DMD: variants seen among roughly 807,000 people sequenced by gnomAD.
DMD encodes dystrophin.
DMD carries 63 observed loss-of-function variants against 330.1 expected under a neutral mutation model. The observed-to-expected ratio is 0.19, with a 90% CI of 0.16 to 0.24. The LOEUF (loss-of-function observed/expected upper bound fraction) is 0.24, where lower values mean the gene tolerates loss of function less well. Ranked by LOEUF, DMD falls within the 10% of genes least tolerant of loss-of-function variation. The pLI, the probability that DMD is intolerant of heterozygous loss-of-function variation, is 1.00. For missense variants in DMD, 3,344 were observed against 2,684.1 expected (o/e 1.25, Z -5.43); for synonymous variants, 1,223 against 959.8 (o/e 1.27, Z -5.07).
At chrX:32,813,274 AAACT>A (rs1253800302) in intron 6 of DMD, among the ~76,000 whole-genome samples, 45 of 112,072 alleles carry the variant, frequency 4.0e-4, no homozygotes, top group African/African-American at 1.4e-3. Flanking sequence ...AAAAATTGTA[AAACT>A]AACCAACTAT....
At chrX:31,958,345 T>C (rs972577605) in intron 45 of DMD, among the ~76,000 whole-genome samples, 2 of 111,086 alleles carry the variant, frequency 1.8e-5, no homozygotes, top group African/African-American at 3.3e-5. Flanking sequence ...ACTTTAAATA[T>C]ACATATGGGC....
chrX:31,311,671 T>G (rs1191459077), intron 62 of DMD, among the ~76,000 whole-genome samples: 2 of 111,824 alleles, frequency 1.8e-5, no homozygotes, highest in Non-Finnish European at 3.8e-5. Flanking sequence ...ACAGTTTTTT[T>G]TTTAATTCTG....
chrX:32,735,431 G>C (rs750504943), intron 7 of DMD, among the ~76,000 whole-genome samples: 1 of 110,670 alleles, frequency 9.0e-6, no homozygotes, highest in East Asian at 2.8e-4. Flanking sequence ...AGTTGATATG[G>C]AACCAAAAAA....
At chrX:32,614,704 T>G (rs898071522) in intron 11 of DMD, among the ~76,000 whole-genome samples, 5 of 111,296 alleles carry the variant, frequency 4.5e-5, no homozygotes, top group Non-Finnish European at 7.6e-5. Context: ...ACATGCTAAC[T>G]GAAGTGCAAA....
chrX:32,347,708 G>GA (rs1402011439), intron 38 of DMD, among the ~76,000 whole-genome samples: 1 of 111,474 alleles, frequency 9.0e-6, no homozygotes, highest in Non-Finnish European at 1.9e-5. Context: ...GGCAGTGAAA[G>GA]AGGGGAAAAA....
chrX:32,428,507 A>G (rs2098222509), intron 29 of DMD, among the ~76,000 whole-genome samples: 1 of 112,028 alleles, frequency 8.9e-6, no homozygotes, highest in African/African-American at 3.2e-5. Context: ...TGAAAGAAAG[A>G]GGCATTATGA....
At chrX:33,060,631 G>A (rs1030928531) in intron 1 of DMD, among the ~76,000 whole-genome samples, 14 of 110,513 alleles carry the variant, frequency 1.3e-4, no homozygotes, top group African/African-American at 3.0e-4. Context: ...TCTAGAGTTC[G>A]AGACCAGCCT....
intron 1 of DMD, among the ~76,000 whole-genome samples, chrX:33,064,746 G>A (rs1312204683): frequency 4.5e-5 from 5 of 110,434 alleles, no homozygotes; most frequent in African/African-American, 1.3e-4. Flanking sequence ...AAAATTAGCC[G>A]GGCATGGTGG....
At chrX:32,203,712 A>T (rs2097051226) in intron 44 of DMD, among the ~76,000 whole-genome samples, 2 of 111,828 alleles carry the variant, frequency 1.8e-5, no homozygotes, top group Non-Finnish European at 3.8e-5. Context: ...CCGTCACCTC[A>T]GTAACCTATG....
chrX:31,272,766 A>T (rs751425908), intron 62 of DMD, among the ~76,000 whole-genome samples: 4 of 111,765 alleles, frequency 3.6e-5, no homozygotes, highest in African/African-American at 1.3e-4. Flanking sequence ...GCAAAATGGG[A>T]GGATGTTGAA....
chrX:32,738,846 A>G (rs2068866490), intron 7 of DMD, among the ~76,000 whole-genome samples: 2 of 111,852 alleles, frequency 1.8e-5, no homozygotes, highest in Non-Finnish European at 1.9e-5. Context: ...GAATCTTTCA[A>G]AAGGAGAGGT....
At chrX:31,271,546 A>T (rs1479372157) in intron 62 of DMD, among the ~76,000 whole-genome samples, 2 of 111,694 alleles carry the variant, frequency 1.8e-5, no homozygotes, top group African/African-American at 6.5e-5. Context: ...AATGGTTTGA[A>T]CTGGGTACTT....
intron 19 of DMD, among the ~76,000 whole-genome samples, chrX:32,492,860 G>A (rs188804396): frequency 8.9e-6 from 1 of 111,789 alleles, no homozygotes; most frequent in East Asian, 2.8e-4. Flanking sequence ...GTTCCCTCAT[G>A]TACCTACAGA....
intron 51 of DMD, among the ~76,000 whole-genome samples, chrX:31,754,198 A>C (rs1024256535): frequency 9.0e-6 from 1 of 111,553 alleles, no homozygotes; most frequent in African/African-American, 3.3e-5. Context: ...ATTTCTGACA[A>C]GTAGTGTACG....
At chrX:32,810,281 C>T (rs185297728) in intron 6 of DMD, among the ~76,000 whole-genome samples, 1 of 112,018 alleles carries the variant, frequency 8.9e-6, no homozygotes, top group African/African-American at 3.2e-5. Flanking sequence ...CATCCAGTCT[C>T]GTGGATTTCA....
chrX:32,627,627 G>A (rs1003823171), intron 11 of DMD, among the ~76,000 whole-genome samples: 1 of 110,606 alleles, frequency 9.0e-6, no homozygotes, highest in Admixed American at 9.7e-5. Flanking sequence ...GTTTGGCTCC[G>A]GGGCCTGCTT....
At chrX:32,417,049 T>C (rs2098168813) in intron 29 of DMD, among the ~76,000 whole-genome samples, 1 of 112,258 alleles carries the variant, frequency 8.9e-6, no homozygotes, top group Non-Finnish European at 1.9e-5. Flanking sequence ...AACTCTTCTA[T>C]TTAACTTAAG....
At chrX:32,792,654 G>A (rs2075905048) in intron 7 of DMD, among the ~76,000 whole-genome samples, 1 of 111,995 alleles carries the variant, frequency 8.9e-6, no homozygotes, top group Non-Finnish European at 1.9e-5. Context: ...AAGCCAAAGG[G>A]GAGAAGCAGC....
chrX:32,187,011 T>TAAA (rs750268306), intron 44 of DMD, among the ~76,000 whole-genome samples: 98 of 110,656 alleles, frequency 8.9e-4, no homozygotes, highest in Non-Finnish European at 1.4e-3. Flanking sequence ...TTTTCAAAAT[T>TAAA]AAAAGTTTTT....
Sources: allele counts gnomAD v4.1 joint callset (sites outside exome capture counted in the v4.1 genomes callset), GRCh38; gene constraint gnomAD v4.1.1; transcripts MANE v1.5; gene names NCBI Gene and HGNC (gene_info 2026-07-23, HGNC 2026-07-21).